CLASP1: variants seen among roughly 807,000 people sequenced by gnomAD.
The protein encoded by CLASP1 is cytoplasmic linker associated protein 1, also known as CLIP-associating protein 1.
In CLASP1, 38 loss-of-function variants were observed where a neutral mutation model predicts 192.3. The ratio of observed to expected loss-of-function variants is 0.20; its 90% CI spans 0.15 to 0.26. The LOEUF (loss-of-function observed/expected upper bound fraction) is 0.26, where lower values mean the gene tolerates loss of function less well. Among genes scored for constraint, CLASP1 ranks in the 10% least tolerant of loss-of-function variants. The probability of loss-of-function intolerance (pLI) is 1.00; values close to 1 mark genes in which losing one functional copy is unlikely to be tolerated. For synonymous variants in CLASP1, 691 were observed against 712.8 expected, an observed-to-expected ratio of 0.97 and a Z score of 0.49; for missense variants, 1,433 against 1,932.5, an observed-to-expected ratio of 0.74 and a Z score of 4.85.
intron 7 of CLASP1, chr2:121,505,403 A>G (rs2093912589): frequency 6.6e-6 from 1 of 152,132 alleles, no homozygotes; most frequent in African/African-American, 2.4e-5. Flanking sequence ...TTAATTCAGA[A>G]TTCCCTCCGC....
intron 33 of CLASP1, among the ~76,000 whole-genome samples, chr2:121,378,556 T>C (rs2070829536): frequency 6.6e-6 from 1 of 151,834 alleles, no homozygotes; most frequent in Non-Finnish European, 1.5e-5. Context: ...AAAACCATCC[T>C]GAGAATATAA....
At chr2:121,598,489 T>G (rs1287424159) in intron 2 of CLASP1, among the ~76,000 whole-genome samples, 2 of 152,238 alleles carry the variant, frequency 1.3e-5, no homozygotes, top group Non-Finnish European at 2.9e-5. Flanking sequence ...AAAGAGCATA[T>G]GGTCTCACAA....
intron 19 of CLASP1, among the ~76,000 whole-genome samples, chr2:121,437,660 G>A (rs1471133879): frequency 6.6e-6 from 1 of 152,210 alleles, no homozygotes; most frequent in African/African-American, 2.4e-5. Context: ...CCAGAGTTAA[G>A]ATGGGCAAAT....
exon 38 of CLASP1, chr2:121,348,577 C>A: frequency 6.2e-7 from 1 of 1,613,722 alleles, no homozygotes; most frequent in Non-Finnish European, 8.5e-7. Flanking sequence ...ATCCTCTCGA[C>A]GACTTTGGTC....
chr2:121,484,273 T>A (rs1315641477), intron 8 of CLASP1, among the ~76,000 whole-genome samples: 1 of 152,194 alleles, frequency 6.6e-6, no homozygotes, highest in Non-Finnish European at 1.5e-5. Context: ...ACACCACATC[T>A]CCATCATCTC....
intron 30 of CLASP1, among the ~76,000 whole-genome samples, chr2:121,390,064 T>G (rs2074080010): frequency 6.6e-6 from 1 of 152,176 alleles, no homozygotes; most frequent in Non-Finnish European, 1.5e-5. Flanking sequence ...TTAAAAGATT[T>G]TATATCAGAG....
chr2:121,622,221 G>A (rs2067481900), intron 1 of CLASP1, among the ~76,000 whole-genome samples: 1 of 152,098 alleles, frequency 6.6e-6, no homozygotes, highest in African/African-American at 2.4e-5. Context: ...TCCAATCCCT[G>A]AACATAGAGT....
At chr2:121,420,160 G>A (rs549513502) in intron 22 of CLASP1, among the ~76,000 whole-genome samples, 5 of 151,646 alleles carry the variant, frequency 3.3e-5, no homozygotes, top group South Asian at 4.2e-4. Flanking sequence ...GCACAGGAAC[G>A]TAATCTCAAC....
chr2:121,384,678 C>T (rs901862344), intron 32 of CLASP1, among the ~76,000 whole-genome samples: 8 of 151,928 alleles, frequency 5.3e-5, no homozygotes, highest in South Asian at 2.1e-4. Flanking sequence ...CAGAGGTGGG[C>T]GGATCACCTG....
chr2:121,450,191 C>A (rs1283035701), intron 16 of CLASP1, among the ~76,000 whole-genome samples: 1 of 151,938 alleles, frequency 6.6e-6, no homozygotes, highest in Non-Finnish European at 1.5e-5. Context: ...ATTAGCCAGG[C>A]GTGAGGGCAG....
intron 21 of CLASP1, among the ~76,000 whole-genome samples, chr2:121,425,697 A>T (rs2080262582): frequency 6.6e-6 from 1 of 152,224 alleles, no homozygotes; most frequent in Admixed American, 6.5e-5. Context: ...AAATGAATCC[A>T]AGAAAACTCT....
At chr2:121,636,025 G>A (rs950700343) in intron 1 of CLASP1, among the ~76,000 whole-genome samples, 1 of 151,982 alleles carries the variant, frequency 6.6e-6, no homozygotes, top group Admixed American at 6.6e-5. Context: ...ATTATTATGA[G>A]ACCTTGTTTC....
chr2:121,403,058 T>G (rs2076374493), intron 26 of CLASP1, among the ~76,000 whole-genome samples: 1 of 152,182 alleles, frequency 6.6e-6, no homozygotes, highest in Admixed American at 6.5e-5. Flanking sequence ...TCTCGAACTC[T>G]TGACCTCAGG....
intron 1 of CLASP1, among the ~76,000 whole-genome samples, chr2:121,639,814 G>T (rs1445679557): frequency 1.4e-5 from 2 of 140,834 alleles, no homozygotes; most frequent in Non-Finnish European, 3.0e-5. Context: ...AGTAAGCCAA[G>T]ATTGCACCAT....
intron 20 of CLASP1, among the ~76,000 whole-genome samples, chr2:121,428,637 C>T (rs1228959898): frequency 1.3e-5 from 2 of 152,196 alleles, no homozygotes; most frequent in Non-Finnish European, 2.9e-5. Flanking sequence ...AAGTTCTACA[C>T]TAAGGAGGGC....
At chr2:121,569,805 C>T (rs1016274974) in intron 2 of CLASP1, among the ~76,000 whole-genome samples, 2 of 151,994 alleles carry the variant, frequency 1.3e-5, no homozygotes, top group African/African-American at 2.4e-5. Flanking sequence ...TGCAGCACTG[C>T]ACTCCAGCCT....
rs1347538364 is a variant in CLASP1 at position 121,378,668 on chromosome 2, TGTTTCAAGAAA to T, written c.3492-1030_3492-1020del. Reference sequence around the variant, plus strand: ...AAAAAATCTTAGTTTAAATGTCACTTGTTTCAAGAAAGTTTCAAGAAAAGATCAGATGAATT... The same window carrying T: ...AAAAAATCTTAGTTTAAATGTCACTTGTTTCAAGAAAAGATCAGATGAATT... On this transcript the variant is annotated intron_variant, in intron 33 of 39. Transcript: ENST00000263710. 2.0e-5 allele frequency among the ~76,000 whole-genome samples: 3 copies of T among 152,316 alleles called. No homozygotes were observed. The East Asian group carries it at 5.8e-4, about 29-fold the overall frequency.
Position 121,582,613 on chromosome 2 carries a change from AGGAAAG to A in CLASP1, c.195+23082_195+23087del, listed in dbSNP as rs540153822. Among the ~76,000 whole-genome samples, 114 of 150,170 alleles carry A rather than the reference AGGAAAG, an allele frequency of 7.6e-4. 3 individuals are homozygous for A. In the East Asian group the frequency reaches 0.011, roughly 14 times the overall value. ...AAAGCAGGGAGGGAGGGAAGAGAAA[AGGAAAG>A]GGAAAGGGAAAGGGGAAGGGAGAGA... On this transcript the variant is annotated intron_variant, in intron 2 of 39. Transcript: ENST00000263710.
At chr2:121,417,372 G>A (rs2078774128) in intron 23 of CLASP1, among the ~76,000 whole-genome samples, 1 of 151,834 alleles carries the variant, frequency 6.6e-6, no homozygotes, top group South Asian at 2.1e-4. Flanking sequence ...CTCATAAATA[G>A]GTTGTTCAGA....
Sources: gnomAD v4.1 joint callset for allele counts (sites outside exome capture counted in the v4.1 genomes callset) on GRCh38, gnomAD v4.1.1 for gene constraint, MANE v1.5 for transcripts, NCBI Gene and HGNC (gene_info 2026-07-23, HGNC 2026-07-21) for gene names.